Variants in KLHL3 observed in about 807,000 individuals in gnomAD.
KLHL3 encodes the protein kelch-like protein 3.
A neutral mutation model predicts 70.5 loss-of-function variants in KLHL3; 19 were observed. That is an observed-to-expected ratio of 0.27 (90% CI 0.19 to 0.40). KLHL3 has a LOEUF of 0.40. Ranked by LOEUF, KLHL3 falls within the 10% of genes least tolerant of loss-of-function variation. The pLI, the probability that KLHL3 is intolerant of heterozygous loss-of-function variation, is 1.00. For missense variants in KLHL3, 512 were observed against 771.1 expected (o/e 0.66, Z 3.98); for synonymous variants, 258 against 290.3 (o/e 0.89, Z 1.13).
At chr5:137,692,786 G>A in intron 4 of KLHL3, 1 of 247,658 alleles carries the variant, frequency 4.0e-6, no homozygotes, top group Non-Finnish European at 7.9e-6. Context: ...TGCAGTTGCT[G>A]GTCCACAAAC....
Position 137,621,692 on chromosome 5 carries a change from G to A in KLHL3, c.*406C>T, listed in dbSNP as rs1021234354. On this transcript the variant is annotated 3_prime_UTR_variant, in exon 15 of 15. Coordinates refer to ENST00000309755, the MANE Select transcript of KLHL3 (RefSeq NM_017415.3). ...TCTGTGACTTGATTTTTAACACAGC[G>A]AAAGGATCAGTAGTAAAGAAATCCA... 1 of 180,836 alleles carries A rather than the reference G, an allele frequency of 5.5e-6. No homozygotes were observed. Among genetic ancestry groups the A allele is most frequent in the Non-Finnish European group, 1.2e-5 (1 of 86,308 alleles). The allele number at this position is 180,836 out of a possible 1,614,324, so 11.2% of individuals were successfully genotyped here. A position where few individuals can be genotyped will look rare whatever the true frequency, so the allele number is the denominator to read the frequency against.
intron 5 of KLHL3, among the ~76,000 whole-genome samples, chr5:137,689,738 C>T (rs1271306019): frequency 6.6e-6 from 1 of 152,176 alleles, no homozygotes; most frequent in Non-Finnish European, 1.5e-5. Flanking sequence ...GTAATGGGAT[C>T]AACAGAAGCC....
At position 137,662,338 on chromosome 5, in the gene KLHL3, A is replaced by G. The variant is rs11953707; in HGVS notation, c.637-307T>C. ...AATCATCATGGTTCATTCTAAAATA[A>G]AAACCAGTTCCAATAGTTTTTTAAG... On this transcript the variant is annotated intron_variant, in intron 6 of 14. Coordinates refer to ENST00000309755, the MANE Select transcript of KLHL3 (RefSeq NM_017415.3). 0.051 allele frequency among the ~76,000 whole-genome samples: 7,743 copies of G among 152,028 alleles called. 659 individuals are homozygous for G. The highest frequency in any genetic ancestry group is 0.18 in the African/African-American group (7,376 of 41,412).
At chr5:137,725,092 G>A (rs1753065564) in intron 1 of KLHL3, 1 of 983,126 alleles carries the variant, frequency 1.0e-6, no homozygotes, top group African/African-American at 1.8e-5. Flanking sequence ...AACCTCAATA[G>A]ATTGCCCCAT....
In KLHL3 at chr5:137,639,097, G is replaced by A. The variant is rs769771268; in HGVS notation, c.1075C>T (p.Leu359=). 66 of 1,613,984 alleles carry A rather than the reference G, an allele frequency of 4.1e-5. No individual in the cohort carries two copies. The South Asian group carries it at 6.1e-4, about 15-fold the overall frequency. Residue 359 remains leucine (L), a synonymous_variant, in exon 10 of 15, where the codon CTG becomes TTG. Coordinates refer to ENST00000309755, the MANE Select transcript of KLHL3 (RefSeq NM_017415.3). The surrounding 1 kb of genome is among the most constrained non-coding windows in gnomAD (Gnocchi z 5.0). ...VYAVGGFNGS[L]RVRTVDVYDG... ...TACACATCCACTGTCCGCACCCGCA[G>A]TGAGCCATTAAACCCTCCCACGGCA...
chr5:137,672,812 G>A (rs996651093), intron 6 of KLHL3: 8 of 152,204 alleles, frequency 5.3e-5, no homozygotes, highest in African/African-American at 1.9e-4. Flanking sequence ...CTGCCCCTGG[G>A]TCACTGGGTC....
intron 5 of KLHL3, 120 bp downstream of exon 5, chr5:137,692,165 A>G: frequency 1.2e-6 from 1 of 859,746 alleles, no homozygotes; most frequent in Non-Finnish European, 1.8e-6. Flanking sequence ...TGTATCCCTA[A>G]CTAAATCATA....
intron 5 of KLHL3, among the ~76,000 whole-genome samples, chr5:137,686,518 T>C (rs371318259): frequency 9.9e-5 from 15 of 152,260 alleles, no homozygotes; most frequent in African/African-American, 3.6e-4. Flanking sequence ...GGTCTCCTTG[T>C]AGTTTGTTGG....
chr5:137,634,009 C>G, intron 12 of KLHL3, 28 bp downstream of exon 12: 6 of 1,613,960 alleles, frequency 3.7e-6, no homozygotes, highest in Non-Finnish European at 5.1e-6. Flanking sequence ...AAATCAGACA[C>G]AGCCAGCACC....
At chr5:137,716,779 C>T (rs1752901229) in intron 2 of KLHL3, among the ~76,000 whole-genome samples, 2 of 151,932 alleles carry the variant, frequency 1.3e-5, no homozygotes. Flanking sequence ...TCTTATTAGG[C>T]AAAAAAGTAA....
At chr5:137,675,497 C>T (rs993763260) in intron 6 of KLHL3, among the ~76,000 whole-genome samples, 4 of 152,088 alleles carry the variant, frequency 2.6e-5, no homozygotes, top group African/African-American at 4.8e-5. Context: ...TATCTCTAAG[C>T]CTCATGACAA....
chr5:137,694,847 A>G (rs1302880649), intron 4 of KLHL3, among the ~76,000 whole-genome samples: 1 of 152,064 alleles, frequency 6.6e-6, no homozygotes, highest in Non-Finnish European at 1.5e-5. Flanking sequence ...CCTGAGGGAG[A>G]GGAAGCCATC....
At chr5:137,709,902 C>G in intron 2 of KLHL3, 46 bp from the exon 3 acceptor site, 2 of 1,440,026 alleles carry the variant, frequency 1.4e-6, no homozygotes, top group Non-Finnish European at 2.0e-6. Context: ...AGCAAGGACA[C>G]CTACCCTCAT....
At position 137,735,722 on chromosome 5, in the gene KLHL3, C is replaced by T; in HGVS notation, c.-76G>A. 6.2e-7 allele frequency: 1 copy of T among 1,607,806 alleles called. No individual in the cohort carries two copies. Among genetic ancestry groups the T allele is most frequent in the African/African-American group, 1.3e-5 (1 of 74,936 alleles). On this transcript the variant is annotated 5_prime_UTR_variant, in exon 1 of 15. Coordinates refer to ENST00000309755, the MANE Select transcript of KLHL3 (RefSeq NM_017415.3). Reference sequence around the variant, plus strand: ...GGATCCTAGTTCTGTTCTTGATTCTCCCAGCAGACCAGTGGGAAATCTGAT... The same window carrying T: ...GGATCCTAGTTCTGTTCTTGATTCTTCCAGCAGACCAGTGGGAAATCTGAT...
At chr5:137,653,415 C>T (rs765728394) in intron 8 of KLHL3, among the ~76,000 whole-genome samples, 4 of 151,964 alleles carry the variant, frequency 2.6e-5, no homozygotes, top group African/African-American at 4.8e-5. Flanking sequence ...AATAAGAAAA[C>T]AATAACCCAA....
chr5:137,698,884 C>T (rs1752506374), intron 3 of KLHL3, among the ~76,000 whole-genome samples: 1 of 152,224 alleles, frequency 6.6e-6, no homozygotes, highest in Non-Finnish European at 1.5e-5. Flanking sequence ...TGAGAGCTAA[C>T]TATGGCCACA....
chr5:137,625,578 T>C (rs1750438562), intron 14 of KLHL3, among the ~76,000 whole-genome samples, 175 bp downstream of exon 14: 1 of 152,154 alleles, frequency 6.6e-6, no homozygotes, highest in Non-Finnish European at 1.5e-5. Flanking sequence ...ATATCTGTCA[T>C]GAGTGCAGAA....
chr5:137,711,651 GA>G (rs972204091), intron 2 of KLHL3, among the ~76,000 whole-genome samples: 17 of 152,116 alleles, frequency 1.1e-4, no homozygotes, highest in African/African-American at 4.1e-4. Context: ...ACCAGGAACA[GA>G]ACTGGCTCTT....
chr5:137,685,549 C>T (rs1177519591), intron 5 of KLHL3, among the ~76,000 whole-genome samples: 1 of 152,212 alleles, frequency 6.6e-6, no homozygotes, highest in Non-Finnish European at 1.5e-5. Context: ...CATTTTATAC[C>T]TCTATGTACT....
Sources: gnomAD v4.1 joint callset for allele counts (sites outside exome capture counted in the v4.1 genomes callset) on GRCh38, gnomAD v4.1.1 for gene constraint, Gnocchi (gnomAD v3.1) non-coding constraint, MANE v1.5 for transcripts, NCBI Gene and HGNC (gene_info 2026-07-23, HGNC 2026-07-21) for gene names.